Variants in MAST4 observed in about 807,000 individuals in gnomAD.
MAST4 encodes microtubule associated serine/threonine kinase family member 4, also known as microtubule-associated serine/threonine-protein kinase 4.
A neutral mutation model predicts 162.7 loss-of-function variants in MAST4; 89 were observed. That is an observed-to-expected ratio of 0.55 (90% CI 0.46 to 0.65). The LOEUF is 0.65. Among genes scored for constraint, MAST4 ranks in the 30% least tolerant of loss-of-function variants. The pLI, the probability that MAST4 is intolerant of heterozygous loss-of-function variation, is 0.00. For synonymous variants in MAST4, 1,479 were observed against 1,361.1 expected (o/e 1.09, Z -1.91); for missense variants, 3,153 against 3,374.0 (o/e 0.93, Z 1.62).
At chr5:67,030,848 T>C (rs953338843) in intron 4 of MAST4, among the ~76,000 whole-genome samples, 19 of 152,176 alleles carry the variant, frequency 1.2e-4, no homozygotes, top group Non-Finnish European at 2.5e-4. Flanking sequence ...TTTAGTGCAA[T>C]AGAACATTGT....
rs1419681553 is a variant in MAST4 at position 67,164,835 on chromosome 5, T to C, written c.5656T>C (p.Ser1886Pro). ...FLPPSRGLQNSPAVSLPDPEF... is the reference protein window; with the variant it reads ...FLPPSRGLQNPPAVSLPDPEF... Reference sequence around the variant, plus strand: ...GCCCCCCAGCCGAGGTCTCCAGAATTCACCAGCAGTTTCCCTGCCTGACCC... The same window carrying C: ...GCCCCCCAGCCGAGGTCTCCAGAATCCACCAGCAGTTTCCCTGCCTGACCC... The change falls in exon 29 of 29, where the codon TCA becomes CCA. Residue 1886 changes from serine (S) to proline (P), a missense_variant. Coordinates refer to ENST00000403625, the MANE Select transcript of MAST4 (RefSeq NM_001164664.2). The surrounding 1 kb of genome is among the most constrained non-coding windows in gnomAD (Gnocchi z 5.3). 2 of 1,613,948 alleles carry C rather than the reference T, an allele frequency of 1.2e-6. No individual in the cohort carries two copies. Among genetic ancestry groups the C allele is most frequent in the East Asian group, 4.5e-5 (2 of 44,862 alleles).
At chr5:66,738,110 C>T (rs1752257233) in intron 1 of MAST4, 1 of 152,150 alleles carries the variant, frequency 6.6e-6, no homozygotes, top group Non-Finnish European at 1.5e-5. Flanking sequence ...GATGACAACC[C>T]ATGACATAAA....
intron 4 of MAST4, among the ~76,000 whole-genome samples, chr5:66,919,604 T>C (rs994172171): frequency 2.2e-5 from 3 of 139,072 alleles, no homozygotes; most frequent in Admixed American, 8.1e-5. Context: ...GAGGTTGCAG[T>C]GAGCTGAGAT....
In MAST4 at chr5:66,917,594, CTT is replaced by C. The variant is rs59415824; in HGVS notation, c.674+17624_674+17625del. Among the ~76,000 whole-genome samples, 888 of 127,830 alleles carry C rather than the reference CTT, an allele frequency of 6.9e-3. 3 individuals are homozygous for C. Among genetic ancestry groups the C allele is most frequent in the Non-Finnish European group, 0.012 (637 of 54,478 alleles). 83.9% of individuals were successfully genotyped at this position (127,830 alleles called of 152,430 possible). A position where few individuals can be genotyped will look rare whatever the true frequency, so the allele number is the denominator to read the frequency against. On this transcript the variant is annotated intron_variant, in intron 4 of 28. Coordinates refer to ENST00000403625, the MANE Select transcript of MAST4 (RefSeq NM_001164664.2). ...CACGAGATGAGGTAGGATTCTCTTT[CTT>C]TTTTTTTTTTTCCCTAGATGGATGA...
At chr5:66,629,571 G>A (rs1318233142) in intron 1 of MAST4, among the ~76,000 whole-genome samples, 2 of 152,186 alleles carry the variant, frequency 1.3e-5, no homozygotes, top group African/African-American at 4.8e-5. Flanking sequence ...GAGCTTCAGT[G>A]TGTTTTACCA....
intron 15 of MAST4, among the ~76,000 whole-genome samples, chr5:67,130,861 G>C (rs778985803): frequency 3.3e-5 from 5 of 152,164 alleles, no homozygotes; most frequent in Admixed American, 1.3e-4. Flanking sequence ...CAGTCTTCCC[G>C]ATTTTTAGCT....
chr5:66,681,942 C>T (rs751118686), intron 1 of MAST4, among the ~76,000 whole-genome samples: 1 of 152,140 alleles, frequency 6.6e-6, no homozygotes, highest in Non-Finnish European at 1.5e-5. Context: ...GGTGACCATG[C>T]CTGGAGCATC....
intron 2 of MAST4, among the ~76,000 whole-genome samples, chr5:66,765,134 T>C (rs1480297565): frequency 6.6e-6 from 1 of 152,204 alleles, no homozygotes; most frequent in East Asian, 1.9e-4. Context: ...TGTAGTTTGG[T>C]TGCACAGTAG....
intron 4 of MAST4, chr5:66,986,618 ATT>A (rs1491369889): frequency 1.0e-3 from 213 of 213,862 alleles, no homozygotes; most frequent in African/African-American, 2.4e-3. Context: ...ATATATATAT[ATT>A]TATTTATTTA....
intron 4 of MAST4, among the ~76,000 whole-genome samples, chr5:66,943,289 G>A (rs1743577683): frequency 6.6e-6 from 1 of 152,100 alleles, no homozygotes; most frequent in Admixed American, 6.6e-5. Flanking sequence ...AATGCACATT[G>A]GGTGGTAGCC....
At chr5:66,847,869 C>T (rs999661371) in intron 3 of MAST4, among the ~76,000 whole-genome samples, 1 of 140,410 alleles carries the variant, frequency 7.1e-6, no homozygotes, top group South Asian at 2.5e-4. Flanking sequence ...TAGCTCAAAG[C>T]TACACTGGGT....
intron 3 of MAST4, among the ~76,000 whole-genome samples, chr5:66,839,370 A>T (rs1561370417): frequency 6.6e-6 from 1 of 152,064 alleles, no homozygotes; most frequent in Non-Finnish European, 1.5e-5. Flanking sequence ...TAAAGTTACC[A>T]ACTATAATAA....
chr5:67,133,737 A>T, intron 17 of MAST4, 91 bp downstream of exon 17: 1 of 1,387,872 alleles, frequency 7.2e-7, no homozygotes, highest in East Asian at 2.3e-5. Context: ...CCATCTTCAC[A>T]TTAGTGCTGG....
chr5:66,660,359 G>C (rs1215317146), intron 1 of MAST4, among the ~76,000 whole-genome samples: 2 of 152,048 alleles, frequency 1.3e-5, no homozygotes, highest in Admixed American at 6.6e-5. Flanking sequence ...TAGCACTCCA[G>C]CCTGGACAAG....
intron 1 of MAST4, among the ~76,000 whole-genome samples, chr5:66,685,538 A>T (rs1429738576): frequency 3.9e-5 from 6 of 152,158 alleles, no homozygotes; most frequent in Admixed American, 2.0e-4. Context: ...CATTGATAAA[A>T]TAAGGAAAGA....
At chr5:66,887,612 C>T (rs1478405620) in intron 3 of MAST4, among the ~76,000 whole-genome samples, 1 of 152,204 alleles carries the variant, frequency 6.6e-6, no homozygotes, top group Non-Finnish European at 1.5e-5. Flanking sequence ...AGGACCCTGA[C>T]CTTGGGCAAA....
At chr5:66,667,813 G>C (rs1188843345) in intron 1 of MAST4, among the ~76,000 whole-genome samples, 1 of 152,134 alleles carries the variant, frequency 6.6e-6, no homozygotes, top group East Asian at 1.9e-4. Context: ...TCTTCAGCAA[G>C]TGGTGAAGAA....
intron 4 of MAST4, among the ~76,000 whole-genome samples, chr5:67,013,540 T>G (rs1351065603): frequency 3.3e-5 from 5 of 152,206 alleles, no homozygotes; most frequent in African/African-American, 1.2e-4. Flanking sequence ...TTACAGTGTA[T>G]GTTTATGTCT....
At chr5:66,981,800 C>T (rs1190105578) in intron 4 of MAST4, among the ~76,000 whole-genome samples, 1 of 152,114 alleles carries the variant, frequency 6.6e-6, no homozygotes. Flanking sequence ...AGTAGTATTG[C>T]TTCTGGAGGA....
Sources: allele counts gnomAD v4.1 joint callset (sites outside exome capture counted in the v4.1 genomes callset), GRCh38; gene constraint gnomAD v4.1.1; non-coding constraint Gnocchi (gnomAD v3.1); transcripts MANE v1.5; gene names NCBI Gene and HGNC (gene_info 2026-07-23, HGNC 2026-07-21).